EPHB1: variants seen among roughly 807,000 people sequenced by gnomAD.
EPHB1 encodes ephrin type-B receptor 1.
In EPHB1, 30 loss-of-function variants were observed where a neutral mutation model predicts 94.4. The observed-to-expected ratio is 0.32, with a 90% CI of 0.24 to 0.43. EPHB1 has a LOEUF of 0.43. Ranked by LOEUF, EPHB1 falls within the 20% of genes least tolerant of loss-of-function variation. EPHB1 has a pLI of 1.00. For missense variants in EPHB1, 1,055 were observed against 1,308.3 expected, an observed-to-expected ratio of 0.81 and a Z score of 2.99; for synonymous variants, 522 against 489.1, an observed-to-expected ratio of 1.07 and a Z score of -0.89.
At chr3:135,202,065 G>A (rs1278331820) in intron 12 of EPHB1, among the ~76,000 whole-genome samples, 2 of 152,156 alleles carry the variant, frequency 1.3e-5, no homozygotes, top group African/African-American at 2.4e-5. Context: ...GTCTGCAGCT[G>A]GGTTGGGAAC....
intron 3 of EPHB1, among the ~76,000 whole-genome samples, chr3:135,039,162 G>A (rs1453425094): frequency 2.6e-5 from 4 of 151,706 alleles, no homozygotes; most frequent in African/African-American, 4.9e-5. Context: ...GATACAGAGT[G>A]CCGATTGGTG....
At position 135,151,941 on chromosome 3, in the gene EPHB1, G is replaced by A. The variant is rs143723999; in HGVS notation, c.1298-2211G>A. ...TTTCAGGACTGAACAGCAGGGACAT[G>A]TTTTTGATCCAAAGGCTATCGGTCA... On this transcript the variant is annotated intron_variant, in intron 5 of 15. Coordinates refer to ENST00000398015, the MANE Select transcript of EPHB1 (RefSeq NM_004441.5). Among the ~76,000 whole-genome samples, 1,117 of 152,338 alleles carry A rather than the reference G, an allele frequency of 7.3e-3. 7 individuals are homozygous for A. The highest frequency in any genetic ancestry group is 0.012 in the Non-Finnish European group (803 of 68,036).
chr3:134,925,399 G>T (rs912163478), intron 1 of EPHB1, among the ~76,000 whole-genome samples: 10 of 152,220 alleles, frequency 6.6e-5, no homozygotes, highest in African/African-American at 1.7e-4. Flanking sequence ...GGCAAAAAGA[G>T]GTGGCCTAGA....
chr3:135,206,088 A>G (rs961462809), intron 12 of EPHB1, among the ~76,000 whole-genome samples: 2 of 152,202 alleles, frequency 1.3e-5, no homozygotes, highest in Admixed American at 6.5e-5. Flanking sequence ...TTGACCATCA[A>G]TTGGTTTTAT....
At chr3:135,159,081 G>C (rs1381518395) in intron 6 of EPHB1, among the ~76,000 whole-genome samples, 3 of 152,110 alleles carry the variant, frequency 2.0e-5, no homozygotes, top group Non-Finnish European at 4.4e-5. Context: ...TGCATATTGG[G>C]GTGGGGAAGG....
chr3:135,025,165 C>CTTTTT (rs747024011), intron 3 of EPHB1, among the ~76,000 whole-genome samples: 3 of 80,692 alleles, frequency 3.7e-5, no homozygotes, highest in African/African-American at 9.7e-5. Context: ...TTCCTTCTTT[C>CTTTTT]TTTTTTTTTT....
chr3:135,173,622 T>C (rs1170981394), intron 9 of EPHB1, among the ~76,000 whole-genome samples: 2 of 152,162 alleles, frequency 1.3e-5, no homozygotes, highest in Non-Finnish European at 2.9e-5. Flanking sequence ...CAGAGGTCGG[T>C]GGGGCAGACT....
At chr3:135,097,340 T>G (rs1314990139) in intron 3 of EPHB1, among the ~76,000 whole-genome samples, 1 of 151,980 alleles carries the variant, frequency 6.6e-6, no homozygotes, top group Non-Finnish European at 1.5e-5. Context: ...AGGCCTGGAC[T>G]CTCTTCTGAG....
At chr3:134,849,383 C>A (rs2036934676) in intron 1 of EPHB1, among the ~76,000 whole-genome samples, 1 of 152,198 alleles carries the variant, frequency 6.6e-6, no homozygotes, top group African/African-American at 2.4e-5. Flanking sequence ...AAGAGGACTT[C>A]ATGGAGAAGA....
At chr3:135,117,410 G>T (rs1343181771) in intron 4 of EPHB1, among the ~76,000 whole-genome samples, 1 of 152,194 alleles carries the variant, frequency 6.6e-6, no homozygotes, top group African/African-American at 2.4e-5. Flanking sequence ...GATTGGCTGT[G>T]GGCTTAAAAT....
At chr3:134,831,022 T>G (rs556524086) in intron 1 of EPHB1, among the ~76,000 whole-genome samples, 16 of 152,324 alleles carry the variant, frequency 1.1e-4, no homozygotes, top group African/African-American at 3.6e-4. Context: ...CCTACTGTCA[T>G]GCAAGCTCCC....
intron 13 of EPHB1, among the ~76,000 whole-genome samples, chr3:135,243,790 CAG>C (rs1364586299): frequency 6.6e-6 from 1 of 152,184 alleles, no homozygotes; most frequent in Non-Finnish European, 1.5e-5. Context: ...TGAACATGTA[CAG>C]AGAGTTTGTC....
At chr3:135,090,451 A>G (rs746778902) in intron 3 of EPHB1, among the ~76,000 whole-genome samples, 29 of 152,242 alleles carry the variant, frequency 1.9e-4, no homozygotes, top group Admixed American at 3.9e-4. Context: ...ATCTTTTGGA[A>G]TGACTATAAC....
intron 3 of EPHB1, among the ~76,000 whole-genome samples, chr3:135,030,097 G>A (rs1211032181): frequency 6.6e-6 from 1 of 151,138 alleles, no homozygotes; most frequent in East Asian, 1.9e-4. Context: ...GCACTTCTCT[G>A]TATTGGTTAT....
intron 1 of EPHB1, among the ~76,000 whole-genome samples, chr3:134,890,122 T>C (rs2037947869): frequency 1.3e-5 from 2 of 152,106 alleles, no homozygotes; most frequent in South Asian, 4.2e-4. Context: ...CTCTCCTCAG[T>C]CACTACCCCC....
intron 1 of EPHB1, among the ~76,000 whole-genome samples, chr3:134,896,242 A>G (rs1377062755): frequency 6.6e-6 from 1 of 150,560 alleles, no homozygotes; most frequent in African/African-American, 2.4e-5. Flanking sequence ...TGCAGAAGTC[A>G]TCTCAGACCT....
chr3:134,945,946 A>T (rs576610928), intron 2 of EPHB1, among the ~76,000 whole-genome samples: 2 of 152,204 alleles, frequency 1.3e-5, no homozygotes, highest in Non-Finnish European at 2.9e-5. Flanking sequence ...CCCTTTTTTA[A>T]GAAAAGAGAG....
intron 3 of EPHB1, among the ~76,000 whole-genome samples, chr3:134,959,563 A>T (rs1418758301): frequency 6.6e-6 from 1 of 152,172 alleles, no homozygotes; most frequent in Non-Finnish European, 1.5e-5. Flanking sequence ...CTGTGGTTAC[A>T]CATTTCTGCA....
chr3:135,189,015 C>T (rs995353498), intron 10 of EPHB1, among the ~76,000 whole-genome samples: 1 of 152,162 alleles, frequency 6.6e-6, no homozygotes, highest in Non-Finnish European at 1.5e-5. Flanking sequence ...CCAAAGAAGG[C>T]ATGTTTATAT....
Sources: gnomAD v4.1 joint callset for allele counts (sites outside exome capture counted in the v4.1 genomes callset) on GRCh38, gnomAD v4.1.1 for gene constraint, MANE v1.5 for transcripts, NCBI Gene and HGNC (gene_info 2026-07-23, HGNC 2026-07-21) for gene names.